The following CSMD1 variants were observed in gnomAD, a reference collection of about 807,000 sequenced individuals.
CSMD1 encodes CUB and Sushi multiple domains 1.
In CSMD1, 213 loss-of-function variants were observed where a neutral mutation model predicts 417.5. The observed-to-expected ratio is 0.51, with a 90% CI of 0.46 to 0.57. CSMD1 has a LOEUF of 0.57. CSMD1 is among the 20% of genes least tolerant of loss of function. CSMD1 has a pLI of 0.00. For missense variants in CSMD1, 6,923 were observed against 4,529.7 expected, an observed-to-expected ratio of 1.53 and a Z score of -15.17; for synonymous variants, 2,862 against 1,736.8, an observed-to-expected ratio of 1.65 and a Z score of -16.11.
intron 5 of CSMD1, among the ~76,000 whole-genome samples, chr8:3,877,138 C>G (rs1320543279): frequency 1.3e-5 from 2 of 152,180 alleles, no homozygotes; most frequent in Non-Finnish European, 2.9e-5. Context: ...GAATTTTGCA[C>G]TTTCCCCATC....
Position 3,287,833 on chromosome 8 carries a change from C to T in CSMD1, c.3951-3487G>A, listed in dbSNP as rs1343114182. On this transcript the variant is annotated intron_variant, in intron 25 of 69. Transcript: ENST00000635120. ...TGATTGCCCTGGCCAGAACTTCCAA[C>T]ACTATGTTGAATAGGACTGGTGAGA... Among the ~76,000 whole-genome samples the T allele has an allele frequency of 2.7e-5, 4 of 150,938 alleles. No individual in the cohort carries two copies. In the East Asian group the frequency reaches 7.8e-4, roughly 29 times the overall value.
At chr8:2,940,212 T>C (rs185171002) in intron 69 of CSMD1, among the ~76,000 whole-genome samples, 2 of 152,256 alleles carry the variant, frequency 1.3e-5, no homozygotes, top group Admixed American at 6.5e-5. Context: ...GAAAATGGAT[T>C]GATGTGCTGC....
At chr8:4,150,280 G>C (rs1172419962) in intron 3 of CSMD1, among the ~76,000 whole-genome samples, 1 of 152,108 alleles carries the variant, frequency 6.6e-6, no homozygotes, top group African/African-American at 2.4e-5. Flanking sequence ...CCCAGATGTA[G>C]AAGTCTCCAA....
At chr8:3,003,645 A>G (rs1807612490) in intron 52 of CSMD1, among the ~76,000 whole-genome samples, 1 of 152,188 alleles carries the variant, frequency 6.6e-6, no homozygotes, top group African/African-American at 2.4e-5. Flanking sequence ...TAAACAAGGA[A>G]TAAGACACAA....
At chr8:4,874,483 A>G (rs1442131447) in intron 1 of CSMD1, among the ~76,000 whole-genome samples, 1 of 146,852 alleles carries the variant, frequency 6.8e-6, no homozygotes, top group Admixed American at 7.0e-5. Context: ...TCTGCCTCCC[A>G]GGTTCAAGCA....
chr8:3,736,140 A>T (rs1279651541), intron 6 of CSMD1, among the ~76,000 whole-genome samples: 2 of 152,204 alleles, frequency 1.3e-5, no homozygotes, highest in Non-Finnish European at 2.9e-5. Context: ...TTCAGTACTC[A>T]TAAAACCCTG....
intron 5 of CSMD1, among the ~76,000 whole-genome samples, chr8:3,798,835 G>A (rs1300572468): frequency 6.6e-6 from 1 of 151,992 alleles, no homozygotes; most frequent in Non-Finnish European, 1.5e-5. Context: ...TTAGTAAAAT[G>A]TTGTATTTTC....
At chr8:3,958,446 ATTTG>A (rs1374850071) in intron 5 of CSMD1, among the ~76,000 whole-genome samples, 1 of 151,854 alleles carries the variant, frequency 6.6e-6, no homozygotes, top group African/African-American at 2.4e-5. Flanking sequence ...TTTTTGAAAT[ATTTG>A]TTTTATTTTT....
At chr8:3,395,633 T>G (rs1245357754) in intron 17 of CSMD1, among the ~76,000 whole-genome samples, 18 of 152,218 alleles carry the variant, frequency 1.2e-4, no homozygotes, top group Non-Finnish European at 5.9e-5. Flanking sequence ...GTTTAATAAT[T>G]GTTTTAAAGT....
intron 3 of CSMD1, among the ~76,000 whole-genome samples, chr8:4,301,288 G>C (rs901653665): frequency 2.6e-5 from 4 of 152,152 alleles, no homozygotes; most frequent in African/African-American, 7.2e-5. Flanking sequence ...CAAGCAAAAT[G>C]CCTTGAGCAT....
At chr8:3,877,586 G>A (rs548199450) in intron 5 of CSMD1, among the ~76,000 whole-genome samples, 97 of 152,292 alleles carry the variant, frequency 6.4e-4, no homozygotes, top group African/African-American at 2.2e-3. Flanking sequence ...GGGTTACACT[G>A]TTAGATCTAA....
At chr8:3,868,429 C>T (rs1360749751) in intron 5 of CSMD1, among the ~76,000 whole-genome samples, 1 of 152,166 alleles carries the variant, frequency 6.6e-6, no homozygotes, top group African/African-American at 2.4e-5. Context: ...AGCTGGGGGG[C>T]AGCTGTAAGC....
At chr8:4,760,324 T>G (rs1811959382) in intron 1 of CSMD1, among the ~76,000 whole-genome samples, 1 of 152,230 alleles carries the variant, frequency 6.6e-6, no homozygotes, top group Admixed American at 6.5e-5. Context: ...TAAACTTCTG[T>G]GCTGGTTTCC....
intron 41 of CSMD1, chr8:3,128,884 A>G: frequency 2.2e-6 from 1 of 455,616 alleles, no homozygotes; most frequent in Admixed American, 2.4e-5. Context: ...AAGCAGGACC[A>G]ATGTTTCCAG....
intron 26 of CSMD1, among the ~76,000 whole-genome samples, chr8:3,235,721 T>C (rs1339249366): frequency 6.6e-6 from 1 of 152,162 alleles, no homozygotes; most frequent in Non-Finnish European, 1.5e-5. Flanking sequence ...TGTCCTTTCA[T>C]GGTATAATAT....
chr8:4,495,254 T>C (rs148892887), intron 2 of CSMD1, among the ~76,000 whole-genome samples: 13 of 152,270 alleles, frequency 8.5e-5, no homozygotes, highest in East Asian at 1.9e-4. Flanking sequence ...AAACTATAAA[T>C]TGCTGTCATA....
chr8:4,606,520 A>G (rs1800877510), intron 2 of CSMD1, among the ~76,000 whole-genome samples: 1 of 152,152 alleles, frequency 6.6e-6, no homozygotes, highest in Non-Finnish European at 1.5e-5. Flanking sequence ...GCTGAAGACA[A>G]CAGCGGCCAA....
At position 4,787,676 on chromosome 8, in the gene CSMD1, A is replaced by T. The variant is rs538389565; in HGVS notation, c.86-150118T>A. The T allele has an allele frequency of 2.3e-5, 36 of 1,589,274 alleles. No individual in the cohort carries two copies. The African/African-American group carries it at 4.8e-4, about 21-fold the overall frequency. On this transcript the variant is annotated intron_variant, in intron 1 of 69. Coordinates refer to ENST00000635120, the MANE Select transcript of CSMD1 (RefSeq NM_033225.6). ...TGGTGTCAAGGAAGGATATAAGTTT[A>T]CCCACCTAAAGTGGAGTTGTTTTTC...
At chr8:4,375,303 C>G (rs76586264) in intron 3 of CSMD1, among the ~76,000 whole-genome samples, 1,709 of 152,178 alleles carry the variant, frequency 0.011, 12 homozygotes, top group Middle Eastern at 0.051. Context: ...TGTCATATCT[C>G]CAAAAGCACC....
Sources: gnomAD v4.1 joint callset for allele counts (sites outside exome capture counted in the v4.1 genomes callset) on GRCh38, gnomAD v4.1.1 for gene constraint, MANE v1.5 for transcripts, NCBI Gene and HGNC (gene_info 2026-07-23, HGNC 2026-07-21) for gene names.